PRKAG2: variants seen among roughly 807,000 people sequenced by gnomAD.
PRKAG2 encodes 5'-AMP-activated protein kinase subunit gamma-2.
In PRKAG2, 26 loss-of-function variants were observed where a neutral mutation model predicts 69.6. The ratio of observed to expected loss-of-function variants is 0.37; its 90% CI spans 0.27 to 0.52. The LOEUF (loss-of-function observed/expected upper bound fraction) is 0.52, where lower values mean the gene tolerates loss of function less well. Among genes scored for constraint, PRKAG2 ranks in the 20% least tolerant of loss-of-function variants. The pLI, the probability that PRKAG2 is intolerant of heterozygous loss-of-function variation, is 0.90. For synonymous variants in PRKAG2, 293 were observed against 285.0 expected (o/e 1.03, Z -0.28); for missense variants, 557 against 740.0 (o/e 0.75, Z 2.87).
chr7:151,702,342 C>A (rs528679125), intron 3 of PRKAG2, among the ~76,000 whole-genome samples: 2 of 152,358 alleles, frequency 1.3e-5, no homozygotes, highest in East Asian at 3.9e-4. Context: ...TCAGTAGGCA[C>A]ACACTGACTC....
intron 1 of PRKAG2, among the ~76,000 whole-genome samples, chr7:151,844,732 C>T (rs1417582804): frequency 6.6e-6 from 1 of 152,232 alleles, no homozygotes; most frequent in Non-Finnish European, 1.5e-5. Context: ...ATGTGACCTC[C>T]ATGAGTGAGG....
chr7:151,748,526 C>T (rs2074444321), intron 3 of PRKAG2, among the ~76,000 whole-genome samples: 1 of 152,054 alleles, frequency 6.6e-6, no homozygotes, highest in South Asian at 2.1e-4. Context: ...GTTGACGAGG[C>T]ATATGATTTT....
Position 151,819,964 on chromosome 7 carries a change from C to T in PRKAG2, c.115-33423G>A, listed in dbSNP as rs556320547. ...ATATGTGATCAATCAGTTTAAGTGACGTGCCCAAGGTCACATGGCTGTGTC... is the reference window on the plus strand; with the variant it reads ...ATATGTGATCAATCAGTTTAAGTGATGTGCCCAAGGTCACATGGCTGTGTC... On this transcript the variant is annotated intron_variant, in intron 1 of 15. Transcript: ENST00000287878. 3.9e-5 allele frequency among the ~76,000 whole-genome samples: 6 copies of T among 152,236 alleles called. 1 individual carries two copies. The highest frequency in any genetic ancestry group is 2.0e-4 in the Admixed American group (3 of 15,292).
intron 3 of PRKAG2, among the ~76,000 whole-genome samples, chr7:151,709,129 T>C (rs1236055846): frequency 6.6e-6 from 1 of 151,926 alleles, no homozygotes; most frequent in African/African-American, 2.4e-5. Flanking sequence ...GTATGTGATA[T>C]TGTGACAATG....
intron 1 of PRKAG2, among the ~76,000 whole-genome samples, chr7:151,811,301 C>A (rs2078409720): frequency 6.6e-6 from 1 of 152,238 alleles, no homozygotes; most frequent in African/African-American, 2.4e-5. Flanking sequence ...CTTACTCCTG[C>A]AAGGCAGGTA....
At chr7:151,696,524 A>G (rs1402887045) in intron 3 of PRKAG2, among the ~76,000 whole-genome samples, 1 of 152,200 alleles carries the variant, frequency 6.6e-6, no homozygotes, top group East Asian at 1.9e-4. Context: ...TGACGCCATC[A>G]TCTCTCCTTT....
chr7:151,806,281 G>A (rs919447382), intron 1 of PRKAG2, among the ~76,000 whole-genome samples: 1 of 152,218 alleles, frequency 6.6e-6, no homozygotes, highest in African/African-American at 2.4e-5. Flanking sequence ...CTCCTAAATT[G>A]CTCAAGGGCT....
intron 3 of PRKAG2, among the ~76,000 whole-genome samples, chr7:151,776,905 A>C (rs1373459373): frequency 6.6e-6 from 1 of 152,158 alleles, no homozygotes; most frequent in Non-Finnish European, 1.5e-5. Context: ...GAGGATGATC[A>C]GGGGCCTCAC....
intron 4 of PRKAG2, among the ~76,000 whole-genome samples, chr7:151,665,894 G>A (rs189488908): frequency 3.3e-4 from 50 of 152,268 alleles, no homozygotes; most frequent in African/African-American, 9.4e-4. Flanking sequence ...GAAAGAAAAG[G>A]TAATTATTTC....
chr7:151,812,686 G>C (rs2078481231), intron 1 of PRKAG2, among the ~76,000 whole-genome samples: 1 of 152,108 alleles, frequency 6.6e-6, no homozygotes, highest in Admixed American at 6.5e-5. Flanking sequence ...CCAGGCTTAG[G>C]GACTGGGTCC....
At position 151,719,843 on chromosome 7, in the gene PRKAG2, G is replaced by A. The variant is rs1431709654; in HGVS notation, c.467-44206C>T. 2.6e-5 allele frequency among the ~76,000 whole-genome samples: 4 copies of A among 152,270 alleles called. No homozygotes were observed. Among genetic ancestry groups the A allele is most frequent in the Non-Finnish European group, 4.4e-5 (3 of 68,024 alleles). On this transcript the variant is annotated intron_variant, in intron 3 of 15. Transcript: ENST00000287878. The surrounding 1 kb of genome is among the most constrained non-coding windows in gnomAD (Gnocchi z 5.2). Reference sequence around the variant, plus strand: ...CCTGTAAGTTGGGGCTCCAAGTAACGCCTTCCCTGGCCCCTGTGCCTACTG... The same window carrying A: ...CCTGTAAGTTGGGGCTCCAAGTAACACCTTCCCTGGCCCCTGTGCCTACTG...
In PRKAG2 at chr7:151,711,133, TGA is replaced by T. The variant is rs1018870990; in HGVS notation, c.467-35498_467-35497del. On this transcript the variant is annotated intron_variant, in intron 3 of 15. Transcript: ENST00000287878. Reference sequence around the variant, plus strand: ...AGGCTGAGAGTGCTGAGTGCTAGGCTGAGAGTACTAAACAGTGCTAAGCTGAG... The same window carrying T: ...AGGCTGAGAGTGCTGAGTGCTAGGCTGAGTACTAAACAGTGCTAAGCTGAG... Among the ~76,000 whole-genome samples, 13 of 151,700 alleles carry T rather than the reference TGA, an allele frequency of 8.6e-5. No homozygotes were observed. In the East Asian group the frequency reaches 9.7e-4, roughly 11 times the overall value.
rs558019366 is a variant in PRKAG2 at position 151,697,264 on chromosome 7, C to A, written c.467-21627G>T. Among the ~76,000 whole-genome samples, 5 of 152,252 alleles carry A rather than the reference C, an allele frequency of 3.3e-5. No individual in the cohort carries two copies. In the South Asian group the frequency reaches 1.0e-3, roughly 32 times the overall value. ...TGGGCACCAGCTGCAGCCCACCAGG[C>A]CTGCTCTTGGGGTCCCAACAGGCAG... On this transcript the variant is annotated intron_variant, in intron 3 of 15. Transcript: ENST00000287878.
At chr7:151,648,409 C>T (rs1043604891) in intron 4 of PRKAG2, among the ~76,000 whole-genome samples, 5 of 152,134 alleles carry the variant, frequency 3.3e-5, no homozygotes, top group African/African-American at 7.2e-5. Flanking sequence ...GTCCTCATGC[C>T]CCCTGCTTTG....
At chr7:151,625,392 C>G (rs914526671) in intron 5 of PRKAG2, among the ~76,000 whole-genome samples, 1 of 152,056 alleles carries the variant, frequency 6.6e-6, no homozygotes, top group African/African-American at 2.4e-5. Flanking sequence ...AAAGAGGCAC[C>G]AGGTGAGGCT....
intron 1 of PRKAG2, among the ~76,000 whole-genome samples, chr7:151,864,861 C>T (rs2080022164): frequency 6.7e-6 from 1 of 149,332 alleles, no homozygotes; most frequent in African/African-American, 2.6e-5. Context: ...TTCCATACAG[C>T]CGTGGTGCTT....
chr7:151,675,188 T>C, intron 4 of PRKAG2: 1 of 528,020 alleles, frequency 1.9e-6, no homozygotes, highest in Non-Finnish European at 3.5e-6. Context: ...CCCAAAGTGC[T>C]GGGACTACAG....
chr7:151,789,115 A>G (rs538830842), intron 1 of PRKAG2, among the ~76,000 whole-genome samples: 1 of 152,110 alleles, frequency 6.6e-6, no homozygotes, highest in Non-Finnish European at 1.5e-5. Flanking sequence ...TTTTTTCAAG[A>G]CTATTTTCCC....
Position 151,576,030 on chromosome 7 carries a change from G to A in PRKAG2, c.946+341C>T, listed in dbSNP as rs1028071108. Among the ~76,000 whole-genome samples the A allele has an allele frequency of 4.7e-5, 7 of 148,628 alleles. No homozygotes were observed. The East Asian group carries it at 1.4e-3, about 29-fold the overall frequency. On this transcript the variant is annotated intron_variant, in intron 7 of 15. Coordinates refer to ENST00000287878, the MANE Select transcript of PRKAG2 (RefSeq NM_016203.4). ...AGGGTCTCGCTCTGTCACCCAGGCTGGAGTACAGTGCAGCGATCATGGCCT... is the reference window on the plus strand; with the variant it reads ...AGGGTCTCGCTCTGTCACCCAGGCTAGAGTACAGTGCAGCGATCATGGCCT...
Sources: gnomAD v4.1 joint callset for allele counts (sites outside exome capture counted in the v4.1 genomes callset) on GRCh38, gnomAD v4.1.1 for gene constraint, Gnocchi (gnomAD v3.1) non-coding constraint, MANE v1.5 for transcripts, NCBI Gene and HGNC (gene_info 2026-07-23, HGNC 2026-07-21) for gene names.